ALMS1: variants seen among roughly 807,000 people sequenced by gnomAD.
The protein encoded by ALMS1 is ALMS1 centrosome and basal body associated protein.
Under a neutral mutation model 352.2 loss-of-function variants are expected in ALMS1, and 271 were observed. The ratio of observed to expected loss-of-function variants is 0.77; its 90% CI spans 0.70 to 0.85. The LOEUF (loss-of-function observed/expected upper bound fraction) is 0.85, where lower values mean the gene tolerates loss of function less well. Among genes scored for constraint, ALMS1 ranks in the 40% least tolerant of loss-of-function variants. The probability of loss-of-function intolerance (pLI) is 0.00; values close to 1 mark genes in which losing one functional copy is unlikely to be tolerated. For synonymous variants in ALMS1, 1,865 were observed against 1,761.2 expected, an observed-to-expected ratio of 1.06 and a Z score of -1.48; for missense variants, 5,445 against 4,870.7, an observed-to-expected ratio of 1.12 and a Z score of -3.51.
chr2:73,454,052 C>T lies in ALMS1; in HGVS notation c.7525C>T (p.Arg2509Trp), dbSNP rs34183407. Residue 2509 changes from arginine to tryptophan, a missense_variant, in exon 8 of 23, where the codon CGG becomes TGG. Transcript: ENST00000613296. ...CAGAAATGCAGAGGAAGAGGAAAGC[C>T]GGGTACGAGCACATGGTAAGAAGAA... ...ILRNAEEEES[R>W]VRAHAWNMKF... 39 of 1,610,678 alleles carry T rather than the reference C, an allele frequency of 2.4e-5. No individual in the cohort carries two copies. Among genetic ancestry groups the T allele is most frequent in the African/African-American group, 1.9e-4 (14 of 74,672 alleles).
intron 7 of ALMS1, among the ~76,000 whole-genome samples, chr2:73,447,550 C>G (rs1419589636): frequency 1.3e-5 from 2 of 152,044 alleles, no homozygotes; most frequent in Non-Finnish European, 2.9e-5. Flanking sequence ...CTTTGCTGTA[C>G]CAGGGATCAT....
chr2:73,442,031 A>G (rs1305160527), intron 7 of ALMS1, among the ~76,000 whole-genome samples: 1 of 152,196 alleles, frequency 6.6e-6, no homozygotes, highest in Admixed American at 6.5e-5. Flanking sequence ...TAACTTTTCT[A>G]AAATCTGCAG....
In ALMS1 at chr2:73,608,537, A is replaced by G. The variant is rs775032572; in HGVS notation, c.12425A>G (p.Tyr4142Cys). The change falls in exon 22 of 23, where the codon TAT becomes TGT. Residue 4142 changes from tyrosine (Y) to cysteine (C), a missense_variant. By Grantham distance (194) the Tyr-to-Cys change is radical (BLOSUM62 -2). Coordinates refer to ENST00000613296, the MANE Select transcript of ALMS1 (RefSeq NM_001378454.1). ...GAAGAAGAGAAGAGAAAATCAGAAT[A>G]TAAGTCATACCGGCTGCGAGCCCAG... The part of the protein sequence containing the change: ...KREEEKRKSE[Y>C]KSYRLRAQLY... 6.2e-6 allele frequency: 10 copies of G among 1,614,028 alleles called. No individual in the cohort carries two copies. The highest frequency in any genetic ancestry group is 7.6e-6 in the Non-Finnish European group (9 of 1,180,010).
At chr2:73,545,605 A>G (rs151166596) in intron 12 of ALMS1, among the ~76,000 whole-genome samples, 2 of 152,374 alleles carry the variant, frequency 1.3e-5, no homozygotes, top group African/African-American at 4.8e-5. Context: ...GAAATTAGCA[A>G]AGTAACAGAA....
intron 15 of ALMS1, among the ~76,000 whole-genome samples, chr2:73,560,268 C>G (rs1367084066): frequency 6.6e-6 from 1 of 152,042 alleles, no homozygotes; most frequent in Non-Finnish European, 1.5e-5. Flanking sequence ...AGAAGATATA[C>G]AAATGCCATA....
intron 11 of ALMS1, among the ~76,000 whole-genome samples, chr2:73,524,366 A>T (rs1170388972): frequency 2.0e-5 from 3 of 152,206 alleles, no homozygotes; most frequent in African/African-American, 7.2e-5. Flanking sequence ...TAATAATCCC[A>T]TCAAGGTAAA....
At chr2:73,574,409 C>G (rs1044699338) in intron 16 of ALMS1, among the ~76,000 whole-genome samples, 2 of 151,982 alleles carry the variant, frequency 1.3e-5, no homozygotes, top group Non-Finnish European at 2.9e-5. Context: ...TTCATTTTCC[C>G]CAACTTTTTA....
intron 1 of ALMS1, among the ~76,000 whole-genome samples, chr2:73,399,090 A>C (rs1455779512): frequency 1.3e-5 from 2 of 152,054 alleles, no homozygotes; most frequent in East Asian, 3.9e-4. Flanking sequence ...TGACCTTGTG[A>C]TCTGCCCTTC....
At chr2:73,411,153 C>A (rs761967511) in intron 2 of ALMS1, among the ~76,000 whole-genome samples, 2 of 151,772 alleles carry the variant, frequency 1.3e-5, no homozygotes, top group Non-Finnish European at 2.9e-5. Flanking sequence ...TGCTCTTAAT[C>A]CAATCTAACT....
At chr2:73,505,877 C>T (rs922127996) in intron 10 of ALMS1, among the ~76,000 whole-genome samples, 3 of 152,134 alleles carry the variant, frequency 2.0e-5, no homozygotes, top group African/African-American at 7.2e-5. Context: ...ATGCCTATGT[C>T]CTGAATGGTA....
At chr2:73,454,437 T>C (rs1035502350) in intron 8 of ALMS1, 175 of 923,794 alleles carry the variant, frequency 1.9e-4, no homozygotes, top group Non-Finnish European at 2.0e-4. Flanking sequence ...CCCATTATAG[T>C]ATCCTTATTC....
At chr2:73,388,404 C>T (rs1670580785) in intron 1 of ALMS1, among the ~76,000 whole-genome samples, 1 of 152,090 alleles carries the variant, frequency 6.6e-6, no homozygotes, top group African/African-American at 2.4e-5. Context: ...GATAGTGTAA[C>T]ATTGTACTTG....
chr2:73,568,316 A>G (rs970588088), intron 15 of ALMS1, among the ~76,000 whole-genome samples: 2 of 152,194 alleles, frequency 1.3e-5, no homozygotes, highest in Non-Finnish European at 1.5e-5. Context: ...ATGATATCTA[A>G]CTAATGTTGA....
intron 7 of ALMS1, among the ~76,000 whole-genome samples, chr2:73,446,197 C>A (rs62151608): frequency 1.4e-3 from 219 of 152,148 alleles, no homozygotes; most frequent in Non-Finnish European, 2.8e-3. Context: ...TTAAAAAGAC[C>A]TTATCTTATG....
At position 73,602,296 on chromosome 2, in the gene ALMS1, C is replaced by A. The variant is rs368113488; in HGVS notation, c.12226C>A (p.Arg4076=). 1 of 1,614,152 alleles carries A rather than the reference C, an allele frequency of 6.2e-7. No individual in the cohort carries two copies. ...GCTGCAGAGCATGTTACAGACCGAG[C>A]GGGATGCACTATTCAACATTGACAG... The part of the protein sequence containing the change: ...RKLQSMLQTE[R]DALFNIDRER... The change falls in exon 20 of 23, where the codon CGG becomes AGG. Residue 4076 remains arginine, a synonymous_variant. Coordinates refer to ENST00000613296, the MANE Select transcript of ALMS1 (RefSeq NM_001378454.1).
At position 73,453,345 on chromosome 2, in the gene ALMS1, C is replaced by T; in HGVS notation, c.6818C>T (p.Ala2273Val). The change falls in exon 8 of 23, where the codon GCA (alanine) becomes GTA (valine). Residue 2273 changes from alanine to valine, a missense_variant. Transcript: ENST00000613296. ...RTLLMEAENM[A>V]LKRCNFPAPL... The stretch of plus-strand genomic sequence containing the variant: ...CTTTTGATGGAGGCAGAAAATATGG[C>T]ACTGAAACGATGCAATTTTCCTGCT... 1.2e-6 allele frequency: 2 copies of T among 1,613,868 alleles called. No individual in the cohort carries two copies. The highest frequency in any genetic ancestry group is 1.7e-6 in the Non-Finnish European group (2 of 1,179,956).
intron 7 of ALMS1, among the ~76,000 whole-genome samples, chr2:73,443,523 ATAG>A (rs1671756015): frequency 6.6e-6 from 1 of 152,172 alleles, no homozygotes; most frequent in South Asian, 2.1e-4. Flanking sequence ...ATATGTTGCT[ATAG>A]TATCCTGTAA....
chr2:73,469,790 A>G (rs577942916), intron 9 of ALMS1: 1 of 151,976 alleles, frequency 6.6e-6, no homozygotes, highest in Admixed American at 6.6e-5. Context: ...ATGTTCGACA[A>G]TTGTTGAATC....
intron 6 of ALMS1, among the ~76,000 whole-genome samples, chr2:73,429,278 C>CTTT (rs5832107): frequency 1.1e-4 from 11 of 102,684 alleles, no homozygotes; most frequent in East Asian, 2.4e-4. Flanking sequence ...AATTAATATG[C>CTTT]TTTTTTTTTT....
Sources: allele counts gnomAD v4.1 joint callset (sites outside exome capture counted in the v4.1 genomes callset), GRCh38; gene constraint gnomAD v4.1.1; transcripts MANE v1.5; gene names NCBI Gene and HGNC (gene_info 2026-07-23, HGNC 2026-07-21).